The following CPVL variants were observed in gnomAD, a reference collection of about 807,000 sequenced individuals.
CPVL encodes carboxypeptidase vitellogenic like.
A neutral mutation model predicts 63.7 loss-of-function variants in CPVL; 51 were observed. The observed-to-expected ratio is 0.80, with a 90% CI of 0.64 to 1.01. The LOEUF (loss-of-function observed/expected upper bound fraction) is 1.01, where lower values mean the gene tolerates loss of function less well. CPVL is among the 50% of genes least tolerant of loss of function. The pLI is 0.00. For missense variants in CPVL, 530 were observed against 573.1 expected (o/e 0.92, Z 0.77); for synonymous variants, 195 against 206.0 (o/e 0.95, Z 0.46).
intron 12 of CPVL, among the ~76,000 whole-genome samples, chr7:29,004,400 A>T (rs1784966870): frequency 7.1e-6 from 1 of 141,236 alleles, no homozygotes; most frequent in Non-Finnish European, 1.6e-5. Flanking sequence ...ACGTGCTTTG[A>T]ACGTGTCTAT....
intron 12 of CPVL, among the ~76,000 whole-genome samples, chr7:29,006,217 CTA>C (rs1286707194): frequency 1.3e-5 from 2 of 152,178 alleles, no homozygotes; most frequent in Non-Finnish European, 2.9e-5. Flanking sequence ...AGTATTTACA[CTA>C]TGGAAATTGG....
intron 11 of CPVL, among the ~76,000 whole-genome samples, chr7:29,032,839 G>A (rs1215560273): frequency 1.3e-5 from 2 of 152,000 alleles, no homozygotes; most frequent in East Asian, 3.9e-4. Context: ...TCATCCTTAA[G>A]GGACAATAGC....
intron 1 of CPVL, among the ~76,000 whole-genome samples, chr7:29,191,353 G>GTTATT (rs1782872387): frequency 6.6e-6 from 1 of 152,226 alleles, no homozygotes; most frequent in African/African-American, 2.4e-5. Context: ...CAGAAGAAGA[G>GTTATT]TTATTTTCTG....
At chr7:29,112,212 G>A (rs1468713911) in intron 3 of CPVL, among the ~76,000 whole-genome samples, 1 of 152,150 alleles carries the variant, frequency 6.6e-6, no homozygotes, top group Non-Finnish European at 1.5e-5. Context: ...CCACAGAACA[G>A]AATATGCTCA....
intron 1 of CPVL, chr7:29,192,206 G>A (rs898163991): frequency 6.6e-6 from 1 of 152,296 alleles, no homozygotes; most frequent in Admixed American, 6.5e-5. Context: ...TCTGGCCCCA[G>A]GATCCAGGAA....
chr7:29,178,449 A>G (rs74395787), intron 5 of CPVL, among the ~76,000 whole-genome samples: 2,248 of 152,162 alleles, frequency 0.015, 23 homozygotes, highest in Non-Finnish European at 0.02. Context: ...TAACATGCCC[A>G]GCTCGTGTCT....
At chr7:29,148,057 T>G (rs1233460210), upstream of CPVL, among the ~76,000 whole-genome samples, 1 of 152,200 alleles carries the variant, frequency 6.6e-6, no homozygotes, top group Non-Finnish European at 1.5e-5. Context: ...CAGCCACCTC[T>G]TGGGCACAAG....
At chr7:29,043,547 G>A (rs1197910109) in intron 11 of CPVL, among the ~76,000 whole-genome samples, 1 of 152,150 alleles carries the variant, frequency 6.6e-6, no homozygotes, top group East Asian at 1.9e-4. Flanking sequence ...AAACAGACAA[G>A]AATCTTCAGA....
intron 5 of CPVL, among the ~76,000 whole-genome samples, chr7:29,163,561 T>G (rs2128714231): frequency 6.6e-6 from 1 of 152,280 alleles, no homozygotes; most frequent in East Asian, 1.9e-4. Context: ...TTTTACAATC[T>G]TATTAAGGTA....
At chr7:29,123,597 GAAAAAAAAAAAAAA>G (rs778757980) in intron 1 of CPVL, among the ~76,000 whole-genome samples, 81 of 41,234 alleles carry the variant, frequency 2.0e-3, no homozygotes, top group Non-Finnish European at 3.3e-3. Context: ...AACTGGTTCA[GAAAAAAAAAAAAAA>G]AAAAAAAAAA....
At chr7:29,136,042 A>G (rs1171581601) in intron 1 of CPVL, among the ~76,000 whole-genome samples, 1 of 152,220 alleles carries the variant, frequency 6.6e-6, no homozygotes, top group Non-Finnish European at 1.5e-5. Context: ...GCCCACTAAC[A>G]GGGGAACTAG....
At chr7:29,128,714 C>CTCA (rs1790354793) in intron 1 of CPVL, among the ~76,000 whole-genome samples, 1 of 133,394 alleles carries the variant, frequency 7.5e-6, no homozygotes, top group African/African-American at 2.8e-5. Flanking sequence ...GACTCTGTCT[C>CTCA]AAAAAAAAAA....
intron 5 of CPVL, among the ~76,000 whole-genome samples, chr7:29,094,796 G>A (rs896893288): frequency 8.6e-5 from 13 of 151,962 alleles, no homozygotes; most frequent in African/African-American, 2.2e-4. Context: ...CCGGGGAGGC[G>A]GAGGTTGCAG....
intron 11 of CPVL, among the ~76,000 whole-genome samples, chr7:29,044,259 A>G (rs1789403150): frequency 6.6e-6 from 1 of 152,114 alleles, no homozygotes; most frequent in South Asian, 2.1e-4. Context: ...TTTACTAAAA[A>G]TACAAAAATT....
Position 29,121,009 on chromosome 7 carries a change from C to T in CPVL, c.53G>A (p.Gly18Asp), listed in dbSNP as rs1205396544. The change falls in exon 2 of 13, where the codon GGC becomes GAC. Residue 18 changes from glycine to aspartate, a missense_variant. By Grantham distance (94) the Gly-to-Asp change is moderately conservative. Transcript: ENST00000265394. ...GGAGCGAAACAGCCCATCACAGGGG[C>T]CAGGCATCAACAGGACCAGCGAAAC... The part of the protein sequence containing the change: ...VIVSLVLLMP[G>D]PCDGLFRSLY... The T allele has an allele frequency of 1.2e-6, 2 of 1,612,844 alleles. No homozygotes were observed. Among genetic ancestry groups the T allele is most frequent in the South Asian group, 2.2e-5 (2 of 90,786 alleles).
chr7:29,037,584 A>C (rs11761932), intron 11 of CPVL, among the ~76,000 whole-genome samples: 4,374 of 151,326 alleles, frequency 0.029, 82 homozygotes, highest in Middle Eastern at 0.1. Context: ...AAAAGAAAAG[A>C]AAAGCACATA....
intron 2 of CPVL, among the ~76,000 whole-genome samples, chr7:29,113,308 C>T (rs370550491): frequency 2.0e-5 from 3 of 152,084 alleles, no homozygotes; most frequent in African/African-American, 7.2e-5. Context: ...AAAAGCCTGT[C>T]ACATCTACTA....
intron 11 of CPVL, among the ~76,000 whole-genome samples, chr7:29,052,907 TCAAA>T (rs973168682): frequency 1.6e-4 from 24 of 152,042 alleles, no homozygotes; most frequent in Admixed American, 3.3e-4. Flanking sequence ...AGTCTCCATC[TCAAA>T]CAAACAAACA....
chr7:29,064,044 T>C lies in CPVL; in HGVS notation c.1137+17A>G. 1.9e-6 allele frequency: 3 copies of C among 1,571,840 alleles called. No homozygotes were observed. Among genetic ancestry groups the C allele is most frequent in the Non-Finnish European group, 2.6e-6 (3 of 1,145,854 alleles). ...ATCTGAAAGTTCCTAAAATAGTAACTGAAGTAGCTCTCTTACCTTATAATT... is the reference window on the plus strand; with the variant it reads ...ATCTGAAAGTTCCTAAAATAGTAACCGAAGTAGCTCTCTTACCTTATAATT... On this transcript the variant is annotated intron_variant, in intron 11 of 12. Coordinates refer to ENST00000265394, the MANE Select transcript of CPVL (RefSeq NM_031311.5).
Sources: allele counts gnomAD v4.1 joint callset (sites outside exome capture counted in the v4.1 genomes callset), GRCh38; gene constraint gnomAD v4.1.1; transcripts MANE v1.5; gene names NCBI Gene and HGNC (gene_info 2026-07-23, HGNC 2026-07-21).